CD99L2: variants seen among roughly 807,000 people sequenced by gnomAD.
CD99L2 encodes the protein CD99 antigen-like protein 2.
Under a neutral mutation model 27.3 loss-of-function variants are expected in CD99L2, and 24 were observed. That is an observed-to-expected ratio of 0.88 (90% CI 0.64 to 1.24). The LOEUF (loss-of-function observed/expected upper bound fraction) is 1.24. CD99L2 is among the 50% of genes most tolerant of loss of function. The probability of loss-of-function intolerance (pLI) is 0.00; values close to 1 mark genes in which losing one functional copy is unlikely to be tolerated. For missense variants in CD99L2, 255 were observed against 221.6 expected, an observed-to-expected ratio of 1.15 and a Z score of -0.96; for synonymous variants, 97 against 87.9, an observed-to-expected ratio of 1.10 and a Z score of -0.58.
At chrX:150,786,227 TAA>T (rs1294484223) in intron 7 of CD99L2, among the ~76,000 whole-genome samples, 1 of 110,966 alleles carries the variant, frequency 9.0e-6, no homozygotes. Flanking sequence ...TTTTTTTTTT[TAA>T]AAAATTTTAG....
At chrX:150,891,355 C>T (rs1224609237) in intron 1 of CD99L2, among the ~76,000 whole-genome samples, 3 of 111,756 alleles carry the variant, frequency 2.7e-5, no homozygotes, top group Non-Finnish European at 5.6e-5. Context: ...AAATCTGTTC[C>T]CTGTCTTTTC....
intron 7 of CD99L2, among the ~76,000 whole-genome samples, chrX:150,784,505 T>C (rs2045563931): frequency 9.0e-6 from 1 of 111,694 alleles, no homozygotes; most frequent in Non-Finnish European, 1.9e-5. Context: ...AAGCTGGGCT[T>C]ATAGAGCAGA....
chrX:150,783,504 C>T (rs1557419481), intron 7 of CD99L2, among the ~76,000 whole-genome samples: 1 of 111,473 alleles, frequency 9.0e-6, no homozygotes, highest in Non-Finnish European at 1.9e-5. Context: ...TAAGAGAATG[C>T]CTGTATGTCT....
At chrX:150,885,124 C>T (rs782092635) in intron 1 of CD99L2, among the ~76,000 whole-genome samples, 1 of 110,994 alleles carries the variant, frequency 9.0e-6, no homozygotes, top group East Asian at 2.8e-4. Context: ...AGAAAATGAC[C>T]GCACAAAAGT....
chrX:150,897,793 G>A (rs1335530526), intron 1 of CD99L2, among the ~76,000 whole-genome samples: 4 of 111,230 alleles, frequency 3.6e-5, no homozygotes, highest in African/African-American at 1.3e-4. Context: ...AGAATCACCC[G>A]CGGATCTAGT....
intron 1 of CD99L2, among the ~76,000 whole-genome samples, chrX:150,884,354 G>A (rs2047376234): frequency 8.9e-6 from 1 of 111,809 alleles, no homozygotes; most frequent in Non-Finnish European, 1.9e-5. Context: ...AGAGGAGAAT[G>A]GGAAAGGCAG....
intron 2 of CD99L2, among the ~76,000 whole-genome samples, chrX:150,823,439 C>T (rs1557420719): frequency 4.5e-4 from 50 of 110,638 alleles, no homozygotes; most frequent in Non-Finnish European, 7.6e-5. Context: ...ACATGTGCCA[C>T]CACGCCCAGC....
At chrX:150,770,395 G>C (rs782297154) in intron 9 of CD99L2, 26 bp from the exon 10 acceptor site, 13 of 1,186,679 alleles carry the variant, frequency 1.1e-5, no homozygotes, top group Middle Eastern at 2.3e-4. Context: ...GGCAGAGTTA[G>C]TGATGCGCAC....
intron 9 of CD99L2, among the ~76,000 whole-genome samples, chrX:150,773,326 T>C (rs782468652): frequency 1.8e-5 from 2 of 113,163 alleles, no homozygotes; most frequent in South Asian, 3.6e-4. Context: ...TTTTCACCCA[T>C]GTGCAGAGCC....
intron 7 of CD99L2, among the ~76,000 whole-genome samples, chrX:150,778,682 A>C: frequency 4.9e-5 from 1 of 20,576 alleles, no homozygotes; most frequent in Admixed American, 7.3e-4. Flanking sequence ...ATAAAAAAAA[A>C]AAAATATATA....
At chrX:150,772,459 G>A (rs1426030949) in intron 9 of CD99L2, among the ~76,000 whole-genome samples, 1 of 112,358 alleles carries the variant, frequency 8.9e-6, no homozygotes, top group African/African-American at 3.2e-5. Flanking sequence ...AGCACCTGGC[G>A]CCCTCGGGAA....
At chrX:150,776,150 C>A (rs200794863) in intron 9 of CD99L2, 24 bp downstream of exon 9, 2,107 of 1,205,539 alleles carry the variant, frequency 1.7e-3, no homozygotes, top group Non-Finnish European at 2.2e-3. Context: ...TGGTTCCTAG[C>A]CACGAGTGGG....
chrX:150,846,012 G>A (rs2046696271), intron 1 of CD99L2, among the ~76,000 whole-genome samples: 1 of 110,917 alleles, frequency 9.0e-6, no homozygotes, highest in South Asian at 3.9e-4. Context: ...GCAACATGGC[G>A]AAACCCCGTC....
Position 150,889,228 on chromosome X carries a change from G to C in CD99L2, c.67+9294C>G, listed in dbSNP as rs148723070. Reference sequence around the variant, plus strand: ...CACACGGGTCCTGGCTGCTCATTCAGGATAAGGCCTGCTGCCTGCCATCTG... The same window carrying C: ...CACACGGGTCCTGGCTGCTCATTCACGATAAGGCCTGCTGCCTGCCATCTG... On this transcript the variant is annotated intron_variant, in intron 1 of 10. Coordinates refer to ENST00000370377, the MANE Select transcript of CD99L2 (RefSeq NM_031462.4). 1.8e-3 allele frequency among the ~76,000 whole-genome samples: 207 copies of C among 112,596 alleles called. 1 individual carries two copies. The highest frequency in any genetic ancestry group is 6.2e-3 in the African/African-American group (193 of 31,144).
chrX:150,890,033 G>C (rs782754401), intron 1 of CD99L2, among the ~76,000 whole-genome samples: 1 of 109,393 alleles, frequency 9.1e-6, no homozygotes, highest in African/African-American at 3.3e-5. Flanking sequence ...GGCGCCTGTA[G>C]TCCCAGCTAC....
At chrX:150,877,456 T>A (rs2047247321) in intron 1 of CD99L2, among the ~76,000 whole-genome samples, 1 of 111,811 alleles carries the variant, frequency 8.9e-6, no homozygotes, top group African/African-American at 3.3e-5. Flanking sequence ...GGAAAAATAT[T>A]GGAAGAGGAA....
intron 4 of CD99L2, among the ~76,000 whole-genome samples, chrX:150,811,104 T>C (rs926656666): frequency 6.3e-5 from 7 of 111,983 alleles, no homozygotes; most frequent in South Asian, 3.7e-4. Context: ...CAATTTAAAA[T>C]GGACAAAGGA....
Position 150,815,418 on chromosome X carries a change from T to C in CD99L2, c.203-482A>G, listed in dbSNP as rs995599107. Among the ~76,000 whole-genome samples, 3 of 111,821 alleles carry C rather than the reference T, an allele frequency of 2.7e-5. No individual in the cohort carries two copies. The East Asian group carries it at 8.5e-4, about 32-fold the overall frequency. The stretch of plus-strand genomic sequence containing the variant: ...CATCAGTGTCTCTTCGGAAGAAAGG[T>C]AGCTCTCTACCGCACAGAACGTATT... On this transcript the variant is annotated intron_variant, in intron 3 of 10. Coordinates refer to ENST00000370377, the MANE Select transcript of CD99L2 (RefSeq NM_031462.4).
intron 2 of CD99L2, among the ~76,000 whole-genome samples, chrX:150,825,426 A>G (rs1361284062): frequency 2.1e-4 from 24 of 112,063 alleles, no homozygotes; most frequent in African/African-American, 7.1e-4. Context: ...AGTTCCACAC[A>G]GTCTTGATTA....
Sources: gnomAD v4.1 joint callset for allele counts (sites outside exome capture counted in the v4.1 genomes callset) on GRCh38, gnomAD v4.1.1 for gene constraint, MANE v1.5 for transcripts, NCBI Gene and HGNC (gene_info 2026-07-23, HGNC 2026-07-21) for gene names.